TJP1: variants seen among roughly 807,000 people sequenced by gnomAD.
TJP1 encodes the protein tight junction protein 1.
TJP1 carries 43 observed loss-of-function variants against 194.2 expected under a neutral mutation model. That is an observed-to-expected ratio of 0.22 (90% CI 0.17 to 0.29). TJP1 has a LOEUF of 0.29. Ranked by LOEUF, TJP1 falls within the 10% of genes least tolerant of loss-of-function variation. The pLI is 1.00. For synonymous variants in TJP1, 801 were observed against 779.0 expected, an observed-to-expected ratio of 1.03 and a Z score of -0.47; for missense variants, 1,971 against 2,185.7, an observed-to-expected ratio of 0.90 and a Z score of 1.96.
At chr15:29,714,944 T>G (rs2042471276) in intron 23 of TJP1, among the ~76,000 whole-genome samples, 1 of 152,202 alleles carries the variant, frequency 6.6e-6, no homozygotes, top group East Asian at 1.9e-4. Context: ...CAGGAATGAA[T>G]GTGTTTAACG....
chr15:29,887,314 T>C (rs1224437586), intron 2 of TJP1, among the ~76,000 whole-genome samples: 1 of 149,634 alleles, frequency 6.7e-6, no homozygotes, highest in Non-Finnish European at 1.5e-5. Context: ...GTATATATAT[T>C]TTTTGAGACG....
intron 25 of TJP1, among the ~76,000 whole-genome samples, chr15:29,706,851 G>C (rs139386334): frequency 6.6e-6 from 1 of 152,192 alleles, no homozygotes; most frequent in African/African-American, 2.4e-5. Context: ...GTAGACATGG[G>C]TTTTCACCGT....
At chr15:29,740,458 C>A (rs1262820849) in intron 10 of TJP1, among the ~76,000 whole-genome samples, 1 of 151,756 alleles carries the variant, frequency 6.6e-6, no homozygotes, top group African/African-American at 2.4e-5. Context: ...AAACAAAACC[C>A]CGTCTCTACT....
At chr15:29,810,830 G>T (rs1031054232) in intron 1 of TJP1, among the ~76,000 whole-genome samples, 1 of 152,138 alleles carries the variant, frequency 6.6e-6, no homozygotes, top group Non-Finnish European at 1.5e-5. Flanking sequence ...CAAGAGCCTA[G>T]TGTAGGAAAG....
At chr15:29,737,847 C>T (rs1359143649) in intron 10 of TJP1, among the ~76,000 whole-genome samples, 6 of 152,174 alleles carry the variant, frequency 3.9e-5, no homozygotes, top group South Asian at 2.1e-4. Flanking sequence ...TTTCCTAACA[C>T]GATGGACTCA....
chr15:29,955,753 TAAAAAAAAAAA>T (rs563535771), intron 2 of TJP1, among the ~76,000 whole-genome samples: 21 of 35,814 alleles, frequency 5.9e-4, no homozygotes, highest in East Asian at 1.1e-3. Context: ...CCTGGCTCTT[TAAAAAAAAAAA>T]AAAAAAAAAA....
chr15:29,730,991 G>A, intron 15 of TJP1: 3 of 1,298,750 alleles, frequency 2.3e-6, no homozygotes, highest in South Asian at 2.3e-5. Context: ...AGTGAAGTGT[G>A]TGCATTTTTG....
At chr15:29,745,897 A>G (rs1343080332) in intron 8 of TJP1, among the ~76,000 whole-genome samples, 1 of 152,220 alleles carries the variant, frequency 6.6e-6, no homozygotes, top group African/African-American at 2.4e-5. Flanking sequence ...AACCCTATAT[A>G]TGATACCAAA....
rs2042874251 is a variant in TJP1, at chr15:29,720,641, C to T, written c.2480G>A (p.Gly827Asp). 3 of 1,614,062 alleles carry T rather than the reference C, an allele frequency of 1.9e-6. No individual in the cohort carries two copies. Among genetic ancestry groups the T allele is most frequent in the Non-Finnish European group, 2.5e-6 (3 of 1,179,990 alleles). ...DDRLSYLSAP[G>D]SEYSMYSTDS... ...CGTGCTATACATTGAGTATTCACTA[C>T]CTGGAGCTGACAGGTAGGACAGACG... Residue 827 changes from glycine to aspartate, a missense_variant, in exon 19 of 28, where the codon GGT becomes GAT. This residue lies in a region of TJP1 where 402 missense variants were observed against 484.2 expected (regional missense o/e 0.83). Transcript: ENST00000614355.
At chr15:29,833,983 C>T (rs2337176) in intron 2 of TJP1, among the ~76,000 whole-genome samples, 85,039 of 110,744 alleles carry the variant, frequency 0.77, 33,001 homozygotes, top group East Asian at 0.85. Flanking sequence ...CCCGGGTTCA[C>T]GCCATTCTCC....
intron 1 of TJP1, among the ~76,000 whole-genome samples, chr15:29,966,656 C>T (rs1012486850): frequency 1.2e-4 from 2 of 16,944 alleles, no homozygotes; most frequent in African/African-American, 6.0e-4. Flanking sequence ...TTGTACCAGA[C>T]ATCCGTTGCA....
intron 1 of TJP1, among the ~76,000 whole-genome samples, chr15:29,816,198 T>C (rs2049907765): frequency 6.6e-6 from 1 of 152,044 alleles, no homozygotes; most frequent in Admixed American, 6.6e-5. Flanking sequence ...CGGCTAATTT[T>C]TGTATTTTTA....
chr15:29,942,744 G>A (rs1005240536), intron 2 of TJP1, among the ~76,000 whole-genome samples: 4 of 152,236 alleles, frequency 2.6e-5, no homozygotes, highest in Non-Finnish European at 5.9e-5. Context: ...GATGTCCCGT[G>A]CAGTTCACTG....
chr15:29,806,866 C>T (rs2049143905), intron 1 of TJP1, among the ~76,000 whole-genome samples: 1 of 151,390 alleles, frequency 6.6e-6, no homozygotes, highest in Admixed American at 6.6e-5. Flanking sequence ...ATTTAAATTC[C>T]CAAAATAGAA....
intron 8 of TJP1, among the ~76,000 whole-genome samples, chr15:29,755,910 G>A (rs2045614187): frequency 6.6e-6 from 1 of 151,942 alleles, no homozygotes; most frequent in African/African-American, 2.4e-5. Context: ...TATTGTACCT[G>A]CTTATGACTA....
intron 2 of TJP1, among the ~76,000 whole-genome samples, chr15:29,870,588 C>T (rs79153641): frequency 0.032 from 4,862 of 152,254 alleles, 95 homozygotes; most frequent in Middle Eastern, 0.1. Context: ...CTGGAATGAA[C>T]ACAGAAAATG....
At chr15:29,875,329 C>T (rs2052660018) in intron 2 of TJP1, among the ~76,000 whole-genome samples, 1 of 152,148 alleles carries the variant, frequency 6.6e-6, no homozygotes, top group Non-Finnish European at 1.5e-5. Flanking sequence ...TGATACTGAC[C>T]TTGTTTTCAT....
chr15:29,716,823 T>C lies in TJP1; in HGVS notation c.3990A>G (p.Gln1330=). 6.2e-7 allele frequency: 1 copy of C among 1,602,624 alleles called. No individual in the cohort carries two copies. The highest frequency in any genetic ancestry group is 8.5e-7 in the Non-Finnish European group (1 of 1,170,474). Residue 1330 remains glutamine (Q), a synonymous_variant, in exon 23 of 28, where the codon CAA becomes CAG. Transcript: ENST00000614355. ...CTTCAGGTGGCTTCAGTTGAGGTTT[T>C]TGAGGTTCTGGGATCCTAACAGATA... is the stretch of plus-strand genomic sequence containing the variant. The part of the protein sequence containing the change: ...DKTLYRIPEP[Q]KPQLKPPEDI...
chr15:29,915,209 A>G (rs1373515747), intron 2 of TJP1, among the ~76,000 whole-genome samples: 2 of 152,238 alleles, frequency 1.3e-5, no homozygotes, highest in East Asian at 3.8e-4. Context: ...ATGTGGAATA[A>G]GGCAGATCCA....
Sources: allele counts gnomAD v4.1 joint callset (sites outside exome capture counted in the v4.1 genomes callset), GRCh38; gene constraint gnomAD v4.1.1; regional missense constraint gnomAD v4.1.1; transcripts MANE v1.5; gene names NCBI Gene and HGNC (gene_info 2026-07-23, HGNC 2026-07-21).